SVIL: variants seen among roughly 807,000 people sequenced by gnomAD.
SVIL encodes the protein supervillin, also known as archvillin.
A neutral mutation model predicts 240.4 loss-of-function variants in SVIL; 101 were observed. The observed-to-expected ratio is 0.42, with a 90% confidence interval of 0.36 to 0.50. The LOEUF is 0.50. Among genes scored for constraint, SVIL ranks in the 20% least tolerant of loss-of-function variants. SVIL has a pLI of 0.01. For missense variants in SVIL, 2,512 were observed against 2,818.7 expected (o/e 0.89, Z 2.46); for synonymous variants, 999 against 1,100.0 (o/e 0.91, Z 1.82).
chr10:29,657,311 C>A (rs1959035631), intron 3 of SVIL, among the ~76,000 whole-genome samples: 1 of 152,190 alleles, frequency 6.6e-6, no homozygotes, highest in African/African-American at 2.4e-5. Context: ...AGATGCCTCA[C>A]AAGAAAATAG....
intron 1 of SVIL, among the ~76,000 whole-genome samples, chr10:29,622,212 T>A (rs2132917381): frequency 8.4e-6 from 1 of 118,694 alleles, no homozygotes; most frequent in Non-Finnish European, 1.6e-5. Context: ...ATCGCGCCAC[T>A]GCACTCCAGC....
At chr10:29,481,058 C>A (rs1469451212) in intron 28 of SVIL, among the ~76,000 whole-genome samples, 1 of 151,928 alleles carries the variant, frequency 6.6e-6, no homozygotes, top group East Asian at 1.9e-4. Context: ...CTCTTCACTT[C>A]CCAGAGTCAG....
chr10:29,574,420 G>A (rs893234490), intron 1 of SVIL, among the ~76,000 whole-genome samples: 18 of 152,104 alleles, frequency 1.2e-4, no homozygotes, highest in African/African-American at 3.9e-4. Flanking sequence ...CATGGTACAC[G>A]GGCGGTGGCT....
At chr10:29,709,655 C>T (rs1963140971) in intron 1 of SVIL, among the ~76,000 whole-genome samples, 3 of 152,144 alleles carry the variant, frequency 2.0e-5, no homozygotes, top group Admixed American at 2.0e-4. Context: ...TGTGGAATAC[C>T]CAGGGGCGTC....
At chr10:29,677,141 A>G (rs143036222) in intron 2 of SVIL, among the ~76,000 whole-genome samples, 106 of 152,316 alleles carry the variant, frequency 7.0e-4, no homozygotes, top group African/African-American at 2.5e-3. Flanking sequence ...TGAGTGCCCC[A>G]GATGTCCTAT....
intron 1 of SVIL, among the ~76,000 whole-genome samples, chr10:29,724,896 C>T (rs1039459992): frequency 6.6e-6 from 1 of 151,980 alleles, no homozygotes; most frequent in Non-Finnish European, 1.5e-5. Flanking sequence ...GTGGCACATG[C>T]CTGTAATCCC....
At chr10:29,507,075 C>T (rs1390435722) in intron 17 of SVIL, among the ~76,000 whole-genome samples, 7 of 152,100 alleles carry the variant, frequency 4.6e-5, no homozygotes, top group Admixed American at 2.0e-4. Context: ...TTCAGAGAGG[C>T]TACAGTGAGG....
At chr10:29,651,991 G>C (rs111913335) in intron 3 of SVIL, among the ~76,000 whole-genome samples, 14 of 150,816 alleles carry the variant, frequency 9.3e-5, no homozygotes, top group African/African-American at 2.9e-4. Context: ...ACAGTTAACC[G>C]TCCAATATAT....
intron 1 of SVIL, among the ~76,000 whole-genome samples, chr10:29,586,222 G>A (rs1956162129): frequency 6.6e-6 from 1 of 152,208 alleles, no homozygotes; most frequent in Non-Finnish European, 1.5e-5. Flanking sequence ...GCTGGTTAAT[G>A]CAATTTGAGG....
intron 1 of SVIL, among the ~76,000 whole-genome samples, chr10:29,729,883 C>T (rs902216576): frequency 1.5e-5 from 2 of 131,492 alleles, no homozygotes; most frequent in Non-Finnish European, 3.2e-5. Context: ...TCTTGAGAGA[C>T]AAGACTTAGA....
At chr10:29,652,861 T>A (rs1958882192) in intron 3 of SVIL, among the ~76,000 whole-genome samples, 1 of 152,198 alleles carries the variant, frequency 6.6e-6, no homozygotes, top group Admixed American at 6.5e-5. Context: ...TCCATTCCAA[T>A]CCTTTGCCCT....
intron 1 of SVIL, among the ~76,000 whole-genome samples, chr10:29,716,508 TTGC>T (rs1413897540): frequency 1.3e-5 from 2 of 152,222 alleles, no homozygotes; most frequent in Non-Finnish European, 2.9e-5. Flanking sequence ...CAATTATAAC[TTGC>T]TGTGGCAGAG....
At chr10:29,539,184 T>A (rs1951958198) in intron 6 of SVIL, among the ~76,000 whole-genome samples, 2 of 151,740 alleles carry the variant, frequency 1.3e-5, no homozygotes, top group African/African-American at 4.8e-5. Context: ...AATAAATAAA[T>A]AAATAAATAA....
At chr10:29,526,352 G>A (rs1422240707) in intron 13 of SVIL, among the ~76,000 whole-genome samples, 4 of 140,826 alleles carry the variant, frequency 2.8e-5, no homozygotes, top group East Asian at 2.1e-4. Context: ...GTCACCAGGC[G>A]GGAGTGCAGT....
chr10:29,601,422 G>A (rs754939148), intron 1 of SVIL, among the ~76,000 whole-genome samples: 10 of 152,200 alleles, frequency 6.6e-5, no homozygotes, highest in Non-Finnish European at 1.2e-4. Flanking sequence ...AAGTAGAAAT[G>A]TGTTTAAACT....
At position 29,533,063 on chromosome 10, in the gene SVIL, TCTC is replaced by T; in HGVS notation, c.1301_1303del (p.Gly434del). 2 of 1,614,006 alleles carry T rather than the reference TCTC, an allele frequency of 1.2e-6. No homozygotes were observed. The highest frequency in any genetic ancestry group is 1.7e-6 in the Non-Finnish European group (2 of 1,179,964). ...CACATCTTCTTCTTTTTCTTCTCCTTCTCCTTCCCCTTCTTCTTCTTCTGCTTT... is the reference window on the plus strand; with the variant it reads ...CACATCTTCTTCTTTTTCTTCTCCTTCTTCCCCTTCTTCTTCTTCTGCTTT... On this transcript the variant is annotated inframe_deletion, in exon 8 of 38. Coordinates refer to ENST00000355867, the MANE Select transcript of SVIL (RefSeq NM_021738.3).
At chr10:29,506,709 AGGGGAT>A (rs1564535227) in intron 17 of SVIL, among the ~76,000 whole-genome samples, 27 of 106,288 alleles carry the variant, frequency 2.5e-4, no homozygotes, top group Admixed American at 6.2e-4. Context: ...CCTACGAGGG[AGGGGAT>A]AGAGACTCTA....
At chr10:29,460,526 C>T (rs1466577874) in intron 36 of SVIL, among the ~76,000 whole-genome samples, 6 of 152,112 alleles carry the variant, frequency 3.9e-5, no homozygotes, top group Admixed American at 1.3e-4. Context: ...GAATAAACGT[C>T]GAAATTAACT....
At chr10:29,481,193 GTTTTT>G (rs201842986) in intron 28 of SVIL, among the ~76,000 whole-genome samples, 1 of 142,862 alleles carries the variant, frequency 7.0e-6, no homozygotes, top group Non-Finnish European at 1.5e-5. Context: ...TGTGTCCATG[GTTTTT>G]TTTTTAATTA....
Sources: gnomAD v4.1 joint callset for allele counts (sites outside exome capture counted in the v4.1 genomes callset) on GRCh38, gnomAD v4.1.1 for gene constraint, MANE v1.5 for transcripts, NCBI Gene and HGNC (gene_info 2026-07-23, HGNC 2026-07-21) for gene names.